The following EPHA6 variants were observed in gnomAD, a reference collection of about 807,000 sequenced individuals.
The protein encoded by EPHA6 is EPH receptor A6.
A neutral mutation model predicts 112.0 loss-of-function variants in EPHA6; 50 were observed. The ratio of observed to expected loss-of-function variants is 0.45; its 90% CI spans 0.36 to 0.56. The LOEUF is 0.56. Among genes scored for constraint, EPHA6 ranks in the 20% least tolerant of loss-of-function variants. EPHA6 has a pLI of 0.00. For missense variants in EPHA6, 1,280 were observed against 1,417.4 expected, an observed-to-expected ratio of 0.90 and a Z score of 1.56; for synonymous variants, 529 against 490.7, an observed-to-expected ratio of 1.08 and a Z score of -1.03.
intron 2 of EPHA6, among the ~76,000 whole-genome samples, chr3:96,919,304 T>G (rs1449327778): frequency 6.6e-6 from 1 of 151,830 alleles, no homozygotes; most frequent in African/African-American, 2.4e-5. Flanking sequence ...TTAGAAAAAC[T>G]TTTCAAGAAT....
intron 7 of EPHA6, among the ~76,000 whole-genome samples, chr3:97,461,538 T>C (rs763623093): frequency 6.6e-6 from 1 of 152,202 alleles, no homozygotes; most frequent in Non-Finnish European, 1.5e-5. Flanking sequence ...TTATTAATAC[T>C]GATATTATTG....
At chr3:97,539,023 C>CTTTCTT (rs1560113105) in intron 11 of EPHA6, among the ~76,000 whole-genome samples, 1 of 148,392 alleles carries the variant, frequency 6.7e-6, no homozygotes, top group Non-Finnish European at 1.5e-5. Flanking sequence ...TTCTTTCTTT[C>CTTTCTT]TTTCTTTCTT....
intron 3 of EPHA6, among the ~76,000 whole-genome samples, chr3:97,146,721 CTTCT>C (rs1472378963): frequency 6.6e-6 from 1 of 151,900 alleles, no homozygotes; most frequent in Non-Finnish European, 1.5e-5. Context: ...TTTGAAAACT[CTTCT>C]TTATCTTTAG....
At chr3:97,427,663 C>T (rs2089233980) in intron 6 of EPHA6, among the ~76,000 whole-genome samples, 1 of 151,664 alleles carries the variant, frequency 6.6e-6, no homozygotes, top group African/African-American at 2.4e-5. Context: ...TGTAACAAAA[C>T]TGCACATGTA....
chr3:96,985,298 A>T, intron 2 of EPHA6, among the ~76,000 whole-genome samples: 1 of 152,292 alleles, frequency 6.6e-6, no homozygotes, highest in East Asian at 1.9e-4. Context: ...ATCAATTGTA[A>T]TTATAAATAT....
At chr3:97,081,318 G>A (rs1376087780) in intron 3 of EPHA6, among the ~76,000 whole-genome samples, 1 of 151,688 alleles carries the variant, frequency 6.6e-6, no homozygotes, top group African/African-American at 2.4e-5. Context: ...ACATGTAAAA[G>A]GATTTTATAA....
At chr3:97,003,008 T>C (rs936395417) in intron 3 of EPHA6, among the ~76,000 whole-genome samples, 2 of 152,176 alleles carry the variant, frequency 1.3e-5, no homozygotes, top group Non-Finnish European at 2.9e-5. Flanking sequence ...ATGGGAAGAA[T>C]AGACAGATTG....
intron 2 of EPHA6, among the ~76,000 whole-genome samples, chr3:96,878,703 C>T (rs934835621): frequency 2.0e-5 from 3 of 152,014 alleles, no homozygotes; most frequent in African/African-American, 7.2e-5. Flanking sequence ...CAATCTGTAT[C>T]ATTCCAACAA....
intron 11 of EPHA6, among the ~76,000 whole-genome samples, chr3:97,539,108 C>CTTTCTTTCTTTCTTTCTT (rs1560113439): frequency 7.5e-6 from 1 of 133,048 alleles, no homozygotes; most frequent in Non-Finnish European, 1.6e-5. Flanking sequence ...TCCTTCCTTT[C>CTTTCTTTCTTTCTTTCTT]TTTCTTTCTT....
At chr3:96,982,309 T>C (rs1013269880) in intron 2 of EPHA6, among the ~76,000 whole-genome samples, 1 of 152,232 alleles carries the variant, frequency 6.6e-6, no homozygotes, top group African/African-American at 2.4e-5. Context: ...CATTTTGTTA[T>C]GTACTCAGTA....
In EPHA6 at chr3:97,755,873, A is replaced by C. The variant is rs2036013914; in HGVS notation, c.*7172A>C. ...ATTTTTCAAAATCATGATAGGGAGA[A>C]GAATGCTAATTTGTAAAGATAGGCA... On this transcript the variant is annotated 3_prime_UTR_variant, in exon 18 of 18. Transcript: ENST00000389672. 6.6e-6 allele frequency among the ~76,000 whole-genome samples: 1 copy of C among 152,062 alleles called. No individual in the cohort carries two copies. The highest frequency in any genetic ancestry group is 1.5e-5 in the Non-Finnish European group (1 of 67,890).
chr3:97,535,696 C>G (rs1157716859), intron 11 of EPHA6, among the ~76,000 whole-genome samples: 2 of 152,004 alleles, frequency 1.3e-5, no homozygotes, highest in East Asian at 1.9e-4. Flanking sequence ...TAATACTGAT[C>G]AAGATAAAGA....
intron 3 of EPHA6, among the ~76,000 whole-genome samples, chr3:97,190,773 C>T (rs143743488): frequency 0.015 from 2,300 of 151,776 alleles, 72 homozygotes; most frequent in African/African-American, 0.053. Context: ...GGCTAGATGA[C>T]GAGTTAGTGG....
intron 2 of EPHA6, among the ~76,000 whole-genome samples, chr3:96,926,267 G>C (rs1019323436): frequency 6.6e-6 from 1 of 152,064 alleles, no homozygotes; most frequent in East Asian, 1.9e-4. Flanking sequence ...CAAGAACAGC[G>C]TGGTGAAACC....
intron 5 of EPHA6, among the ~76,000 whole-genome samples, chr3:97,367,968 G>C (rs1048994284): frequency 6.6e-6 from 1 of 152,076 alleles, no homozygotes; most frequent in Admixed American, 6.6e-5. Flanking sequence ...CCTTCCTTAT[G>C]TAACATAACA....
chr3:97,751,255 A>G lies in EPHA6; in HGVS notation c.*2554A>G, dbSNP rs918688904. Among the ~76,000 whole-genome samples the G allele has an allele frequency of 6.6e-6, 1 of 152,086 alleles. No homozygotes were observed. Among genetic ancestry groups the G allele is most frequent in the Non-Finnish European group, 1.5e-5 (1 of 67,992 alleles). Reference sequence around the variant, plus strand: ...ACAAGATTAAAGTTGCCTATTAAGAATTCTTTCTTTTAAAATGTCTGATGA... The same window carrying G: ...ACAAGATTAAAGTTGCCTATTAAGAGTTCTTTCTTTTAAAATGTCTGATGA... On this transcript the variant is annotated 3_prime_UTR_variant, in exon 18 of 18. Coordinates refer to ENST00000389672, the MANE Select transcript of EPHA6 (RefSeq NM_001080448.3).
rs138104701 is a variant in EPHA6, at chr3:96,983,516, T to G, written c.451-3814T>G. ...TCCTCCATTTCAACTTTGGTGAATC[T>G]GACAATTATGTGTCTTGGAGTTGCT... On this transcript the variant is annotated intron_variant, in intron 2 of 17. Coordinates refer to ENST00000389672, the MANE Select transcript of EPHA6 (RefSeq NM_001080448.3). 5.1e-3 allele frequency among the ~76,000 whole-genome samples: 774 copies of G among 152,288 alleles called. 7 individuals are homozygous for G. Among genetic ancestry groups the G allele is most frequent in the African/African-American group, 0.017 (702 of 41,546 alleles).
intron 3 of EPHA6, among the ~76,000 whole-genome samples, chr3:97,056,719 T>C (rs1401701063): frequency 6.6e-6 from 1 of 152,176 alleles, no homozygotes; most frequent in African/African-American, 2.4e-5. Flanking sequence ...GTGGTTGAGA[T>C]CTTAGCCTCT....
intron 5 of EPHA6, among the ~76,000 whole-genome samples, chr3:97,403,391 A>G: frequency 6.6e-6 from 1 of 152,124 alleles, no homozygotes; most frequent in Non-Finnish European, 1.5e-5. Context: ...TCTCCAATTC[A>G]ATACAGTATT....
Sources: allele counts gnomAD v4.1 joint callset (sites outside exome capture counted in the v4.1 genomes callset), GRCh38; gene constraint gnomAD v4.1.1; transcripts MANE v1.5; gene names NCBI Gene and HGNC (gene_info 2026-07-23, HGNC 2026-07-21).